VPS50: variants seen among roughly 807,000 people sequenced by gnomAD.
The protein encoded by VPS50 is VPS50 subunit of EARP/GARPII complex, also known as syndetin.
In VPS50, 70 loss-of-function variants were observed where a neutral mutation model predicts 139.7. That is an observed-to-expected ratio of 0.50 (90% confidence interval 0.41 to 0.61). VPS50 has a LOEUF of 0.61. Among genes scored for constraint, VPS50 ranks in the 20% least tolerant of loss-of-function variants. The probability of loss-of-function intolerance (pLI) is 0.00; values close to 1 mark genes in which losing one functional copy is unlikely to be tolerated. For synonymous variants in VPS50, 365 were observed against 376.7 expected, an observed-to-expected ratio of 0.97 and a Z score of 0.36; for missense variants, 921 against 1,133.7, an observed-to-expected ratio of 0.81 and a Z score of 2.69.
chr7:93,301,645 T>C (rs987220859), intron 16 of VPS50, among the ~76,000 whole-genome samples: 1 of 152,198 alleles, frequency 6.6e-6, no homozygotes, highest in South Asian at 2.1e-4. Flanking sequence ...GGAGCTCTGC[T>C]AACACCTTGA....
chr7:93,302,769 G>A (rs1797014229), intron 16 of VPS50, among the ~76,000 whole-genome samples: 1 of 151,956 alleles, frequency 6.6e-6, no homozygotes, highest in African/African-American at 2.4e-5. Context: ...AACAGGGTAG[G>A]CACTGGCCCT....
At chr7:93,286,039 C>A (rs764664221) in intron 12 of VPS50, among the ~76,000 whole-genome samples, 1 of 151,682 alleles carries the variant, frequency 6.6e-6, no homozygotes, top group Non-Finnish European at 1.5e-5. Flanking sequence ...GGGATATTTC[C>A]CAAAGATTAT....
intron 19 of VPS50, among the ~76,000 whole-genome samples, chr7:93,310,866 A>G (rs1206122028): frequency 6.6e-6 from 1 of 152,156 alleles, no homozygotes; most frequent in African/African-American, 2.4e-5. Flanking sequence ...AAGAAACAGT[A>G]CATTTGCACC....
intron 21 of VPS50, among the ~76,000 whole-genome samples, chr7:93,327,026 C>T (rs1392976099): frequency 6.6e-6 from 1 of 152,136 alleles, no homozygotes; most frequent in Admixed American, 6.5e-5. Context: ...AATTTGGAAA[C>T]TCACTAAATA....
chr7:93,312,876 C>A (rs911956593), intron 20 of VPS50, among the ~76,000 whole-genome samples: 6 of 152,170 alleles, frequency 3.9e-5, no homozygotes, highest in African/African-American at 1.4e-4. Flanking sequence ...TCATTGTCAT[C>A]CTCCTTAGCC....
rs1174453497 is a variant in VPS50 at position 93,359,835 on chromosome 7, G to A, written c.*1399G>A. On this transcript the variant is annotated 3_prime_UTR_variant, in exon 28 of 28. Coordinates refer to ENST00000305866, the MANE Select transcript of VPS50 (RefSeq NM_017667.4). ...TGTCTGTAAATGCACAGTGTAATGT[G>A]AAGCACTTTCAGAATATGTTTGTGT... 1.3e-5 allele frequency: 2 copies of A among 152,166 alleles called. No homozygotes were observed. Among genetic ancestry groups the A allele is most frequent in the East Asian group, 1.9e-4 (1 of 5,186 alleles). The allele number at this position is 152,166 out of a possible 1,614,324, so 9.4% of individuals were successfully genotyped here. A position where few individuals can be genotyped will look rare whatever the true frequency, so the allele number is the denominator to read the frequency against.
At chr7:93,353,272 A>T (rs1167193938) in intron 25 of VPS50, among the ~76,000 whole-genome samples, 1 of 152,198 alleles carries the variant, frequency 6.6e-6, no homozygotes, top group Non-Finnish European at 1.5e-5. Context: ...CATGTTTTTA[A>T]ACCTGGGTTT....
chr7:93,310,675 C>T (rs981514768), intron 19 of VPS50, among the ~76,000 whole-genome samples: 1 of 151,956 alleles, frequency 6.6e-6, no homozygotes, highest in Non-Finnish European at 1.5e-5. Flanking sequence ...CTTTTCTGAG[C>T]GCACTCTGTT....
intron 16 of VPS50, among the ~76,000 whole-genome samples, chr7:93,302,610 T>C (rs1797009442): frequency 6.6e-6 from 1 of 152,078 alleles, no homozygotes; most frequent in Non-Finnish European, 1.5e-5. Context: ...TATCTTAAAG[T>C]CCTTGTCTGT....
intron 23 of VPS50, among the ~76,000 whole-genome samples, chr7:93,344,607 AG>A (rs1584490684): frequency 1.3e-5 from 2 of 151,938 alleles, no homozygotes; most frequent in East Asian, 3.8e-4. Context: ...CAAATGTAAA[AG>A]AACAGAAATT....
rs993690104 is a variant in VPS50 at position 93,247,442 on chromosome 7, G to A, written c.103-5211G>A. 1.9e-4 allele frequency among the ~76,000 whole-genome samples: 29 copies of A among 151,778 alleles called. 1 individual carries two copies. The highest frequency in any genetic ancestry group is 2.4e-5 in the African/African-American group (1 of 41,338). On this transcript the variant is annotated intron_variant, in intron 2 of 27. Coordinates refer to ENST00000305866, the MANE Select transcript of VPS50 (RefSeq NM_017667.4). ...GCTTTAACCTGTTGTGCACTTTCTCGATTCAATATTTTTACTTTTGCTTTG... is the reference window on the plus strand; with the variant it reads ...GCTTTAACCTGTTGTGCACTTTCTCAATTCAATATTTTTACTTTTGCTTTG...
At chr7:93,311,485 T>TTAAG (rs1797266039) in intron 20 of VPS50, among the ~76,000 whole-genome samples, 1 of 152,148 alleles carries the variant, frequency 6.6e-6, no homozygotes, top group Non-Finnish European at 1.5e-5. Flanking sequence ...TACCTGTTTA[T>TTAAG]TAAGTCTTTG....
intron 23 of VPS50, among the ~76,000 whole-genome samples, chr7:93,344,227 CAAAG>C (rs1305791513): frequency 2.6e-5 from 4 of 152,070 alleles, no homozygotes; most frequent in African/African-American, 4.8e-5. Flanking sequence ...TCAAAAGAGA[CAAAG>C]AAGGCCATTA....
chr7:93,285,852 C>T (rs1452100977), intron 12 of VPS50, among the ~76,000 whole-genome samples: 2 of 152,170 alleles, frequency 1.3e-5, no homozygotes, highest in South Asian at 2.1e-4. Context: ...ATGCTGTGAG[C>T]TTCTTGCATG....
At chr7:93,311,325 C>A in intron 20 of VPS50, 53 bp downstream of exon 20, 1 of 824,084 alleles carries the variant, frequency 1.2e-6, no homozygotes, top group South Asian at 1.4e-5. Context: ...AGTTTGTTAC[C>A]GAATGACTTT....
intron 9 of VPS50, among the ~76,000 whole-genome samples, chr7:93,265,412 A>G (rs1795811467): frequency 6.6e-6 from 1 of 152,184 alleles, no homozygotes; most frequent in South Asian, 2.1e-4. Flanking sequence ...GCTATGTTCT[A>G]CTAAAACTTT....
chr7:93,281,963 G>A (rs564715715), intron 12 of VPS50, among the ~76,000 whole-genome samples: 1 of 152,266 alleles, frequency 6.6e-6, no homozygotes, highest in South Asian at 2.1e-4. Context: ...CCAGCACTTT[G>A]GGAGGCTGAG....
chr7:93,357,756 C>T (rs1044542860), intron 27 of VPS50, among the ~76,000 whole-genome samples: 1 of 152,086 alleles, frequency 6.6e-6, no homozygotes, highest in African/African-American at 2.4e-5. Context: ...ATCTAAAATT[C>T]AGGAACCAGA....
intron 16 of VPS50, among the ~76,000 whole-genome samples, chr7:93,298,710 A>G (rs887898049): frequency 4.6e-5 from 7 of 152,230 alleles, no homozygotes; most frequent in African/African-American, 1.7e-4. Flanking sequence ...CAGAGTTCAC[A>G]TTAATAAAAT....
Sources: allele counts gnomAD v4.1 joint callset (sites outside exome capture counted in the v4.1 genomes callset), GRCh38; gene constraint gnomAD v4.1.1; transcripts MANE v1.5; gene names NCBI Gene and HGNC (gene_info 2026-07-23, HGNC 2026-07-21).